TIAM1: variants seen among roughly 807,000 people sequenced by gnomAD.
The protein encoded by TIAM1 is TIAM Rac1 associated GEF 1, also known as rho guanine nucleotide exchange factor TIAM1.
A neutral mutation model predicts 163.5 loss-of-function variants in TIAM1; 65 were observed. The ratio of observed to expected loss-of-function variants is 0.40; its 90% CI spans 0.33 to 0.49. TIAM1 has a LOEUF of 0.49. Ranked by LOEUF, TIAM1 falls within the 20% of genes least tolerant of loss-of-function variation. TIAM1 has a pLI of 0.77. For synonymous variants in TIAM1, 833 were observed against 810.1 expected (o/e 1.03, Z -0.48); for missense variants, 1,789 against 2,044.7 (o/e 0.87, Z 2.41).
intron 1 of TIAM1, among the ~76,000 whole-genome samples, chr21:31,510,900 AG>A (rs1203507009): frequency 1.3e-5 from 2 of 152,200 alleles, no homozygotes; most frequent in Admixed American, 6.5e-5. Flanking sequence ...ATATTGGAGT[AG>A]GGTGGTCCCT....
chr21:31,317,819 A>T (rs2075180028), intron 2 of TIAM1, among the ~76,000 whole-genome samples: 1 of 152,074 alleles, frequency 6.6e-6, no homozygotes, highest in South Asian at 2.1e-4. Flanking sequence ...GAAAAACCCC[A>T]CCACTGCTTA....
At position 31,245,385 on chromosome 21, in the gene TIAM1, A is replaced by T. The variant is rs2071446115; in HGVS notation, c.1584+103T>A. 4.8e-6 allele frequency: 4 copies of T among 827,052 alleles called. No homozygotes were observed. The East Asian group carries it at 1.2e-4, about 24-fold the overall frequency. The allele number at this position is 827,052 out of a possible 1,614,324, so 51.2% of individuals were successfully genotyped here. The stretch of plus-strand genomic sequence containing the variant: ...TAATCTCACCACTAAAAAAAAAAAA[A>T]AAAAAAAAAAAAGCAGTGGAGGGAG... On this transcript the variant is annotated intron_variant, in intron 6 of 27. Coordinates refer to ENST00000541036, the MANE Select transcript of TIAM1 (RefSeq NM_001353694.2).
chr21:31,329,018 T>C (rs1243938467), intron 2 of TIAM1, among the ~76,000 whole-genome samples: 2 of 152,318 alleles, frequency 1.3e-5, no homozygotes, highest in Middle Eastern at 3.4e-3. Flanking sequence ...TATTTTGTTT[T>C]AGGTATCCGG....
intron 1 of TIAM1, among the ~76,000 whole-genome samples, chr21:31,541,388 T>C (rs1010091689): frequency 4.0e-5 from 6 of 151,878 alleles, no homozygotes; most frequent in African/African-American, 1.5e-4. Flanking sequence ...GCCCCAGAGG[T>C]TGAGGCTGCA....
intron 16 of TIAM1, among the ~76,000 whole-genome samples, chr21:31,155,698 A>G (rs60305338): frequency 0.077 from 11,756 of 151,780 alleles, 1,133 homozygotes; most frequent in African/African-American, 0.22. Context: ...GAGAGACGGG[A>G]TTTCAACATG....
chr21:31,363,106 A>G (rs954112705), intron 2 of TIAM1, among the ~76,000 whole-genome samples: 1 of 152,138 alleles, frequency 6.6e-6, no homozygotes, highest in African/African-American at 2.4e-5. Flanking sequence ...TTCACGATCG[A>G]TATTAGCTAA....
upstream of TIAM1, among the ~76,000 whole-genome samples, chr21:31,348,830 G>T (rs1423832956): frequency 2.0e-5 from 3 of 152,164 alleles, no homozygotes; most frequent in Non-Finnish European, 4.4e-5. Flanking sequence ...CATTAAATTT[G>T]ATTTGATACA....
intron 2 of TIAM1, among the ~76,000 whole-genome samples, chr21:31,375,141 T>C (rs1353408547): frequency 6.6e-6 from 1 of 152,238 alleles, no homozygotes; most frequent in Non-Finnish European, 1.5e-5. Flanking sequence ...CTTTATTCTT[T>C]ACTACTAAAT....
intron 19 of TIAM1, among the ~76,000 whole-genome samples, chr21:31,151,005 C>T (rs547823500): frequency 5.3e-5 from 8 of 152,276 alleles, no homozygotes; most frequent in African/African-American, 1.9e-4. Context: ...CATCGTAAGT[C>T]ATTAGGGAAA....
chr21:31,542,314 C>A (rs1472018437), intron 1 of TIAM1, among the ~76,000 whole-genome samples: 2 of 151,960 alleles, frequency 1.3e-5, no homozygotes, highest in South Asian at 2.1e-4. Flanking sequence ...GTATTCCCAG[C>A]TTCTGGGGAG....
rs141167714 is a variant in TIAM1, at chr21:31,188,134, T to G, written c.2576-1047A>C. On this transcript the variant is annotated intron_variant, in intron 13 of 27. Coordinates refer to ENST00000541036, the MANE Select transcript of TIAM1 (RefSeq NM_001353694.2). ...TGAGCCTTTTTAGGCCATGTCATGATGAACACATGGTTTTTTGTTTAGTTT... is the reference window on the plus strand; with the variant it reads ...TGAGCCTTTTTAGGCCATGTCATGAGGAACACATGGTTTTTTGTTTAGTTT... Among the ~76,000 whole-genome samples the G allele has an allele frequency of 2.4e-4, 36 of 152,274 alleles. No homozygotes were observed. In the East Asian group the frequency reaches 6.9e-3, roughly 29 times the overall value.
At chr21:31,217,385 A>G (rs73351575) in intron 9 of TIAM1, among the ~76,000 whole-genome samples, 168 bp downstream of exon 9, 3,488 of 152,234 alleles carry the variant, frequency 0.023, 149 homozygotes, top group African/African-American at 0.08. Context: ...GTTCAATGTT[A>G]TGGGTATGCA....
chr21:31,528,946 G>C (rs1398393432), intron 1 of TIAM1, among the ~76,000 whole-genome samples: 1 of 80,416 alleles, frequency 1.2e-5, no homozygotes, highest in African/African-American at 4.5e-5. Context: ...TTTTTTTTGA[G>C]ACAGAGTCTC....
At chr21:31,356,599 A>G (rs924669960) in intron 2 of TIAM1, among the ~76,000 whole-genome samples, 2 of 152,206 alleles carry the variant, frequency 1.3e-5, no homozygotes, top group African/African-American at 4.8e-5. Flanking sequence ...TTCACTGTGT[A>G]AGGACATAGC....
In TIAM1 at chr21:31,265,403, A is replaced by T. The variant is rs150096950; in HGVS notation, c.963+607T>A. Among the ~76,000 whole-genome samples, 197 of 151,998 alleles carry T rather than the reference A, an allele frequency of 1.3e-3. 2 individuals are homozygous for T. The highest frequency in any genetic ancestry group is 4.7e-3 in the African/African-American group (194 of 41,482). On this transcript the variant is annotated intron_variant, in intron 4 of 27. Coordinates refer to ENST00000541036, the MANE Select transcript of TIAM1 (RefSeq NM_001353694.2). The stretch of plus-strand genomic sequence containing the variant: ...AACAACTAGCTGGTTGCAAAGTAAG[A>T]ATTGGAAGCCACCCATGTTATTCCT...
intron 8 of TIAM1, among the ~76,000 whole-genome samples, chr21:31,218,040 C>T (rs561400485): frequency 6.6e-6 from 1 of 152,278 alleles, no homozygotes; most frequent in South Asian, 2.1e-4. Context: ...ATGAGCCAGG[C>T]TTTCTCTCCA....
chr21:31,152,805 C>A (rs1168215521), intron 18 of TIAM1, 44 bp from the exon 19 acceptor site: 1 of 1,602,246 alleles, frequency 6.2e-7, no homozygotes, highest in East Asian at 2.2e-5. Context: ...TCTCATTAGT[C>A]TTCCTAAACG....
intron 2 of TIAM1, among the ~76,000 whole-genome samples, chr21:31,386,152 C>T (rs934312747): frequency 2.0e-5 from 3 of 152,034 alleles, no homozygotes; most frequent in African/African-American, 7.2e-5. Flanking sequence ...CAGCAGCCTG[C>T]GCCAGCTATC....
chr21:31,507,179 A>ATTTTTT (rs572356384), intron 1 of TIAM1, among the ~76,000 whole-genome samples: 11 of 44,582 alleles, frequency 2.5e-4, no homozygotes, highest in African/African-American at 5.8e-4. Flanking sequence ...CACCTTTTTA[A>ATTTTTT]TTTTTTTTTT....
Sources: allele counts gnomAD v4.1 joint callset (sites outside exome capture counted in the v4.1 genomes callset), GRCh38; gene constraint gnomAD v4.1.1; transcripts MANE v1.5; gene names NCBI Gene and HGNC (gene_info 2026-07-23, HGNC 2026-07-21).